PEX14: variants seen among roughly 807,000 people sequenced by gnomAD.
PEX14 encodes peroxisomal membrane protein PEX14.
A neutral mutation model predicts 49.5 loss-of-function variants in PEX14; 15 were observed. The observed-to-expected ratio is 0.30, with a 90% CI of 0.20 to 0.47. The LOEUF is 0.47. Ranked by LOEUF, PEX14 falls within the 20% of genes least tolerant of loss-of-function variation. The probability of loss-of-function intolerance (pLI) is 1.00; values close to 1 mark genes in which losing one functional copy is unlikely to be tolerated. For missense variants in PEX14, 398 were observed against 494.8 expected (o/e 0.80, Z 1.86); for synonymous variants, 210 against 212.7 (o/e 0.99, Z 0.11).
chr1:10,515,259 A>G (rs899723686), intron 2 of PEX14, among the ~76,000 whole-genome samples: 5 of 152,330 alleles, frequency 3.3e-5, no homozygotes, highest in Admixed American at 6.5e-5. Flanking sequence ...TCCAGAATCA[A>G]TAATGAACAG....
chr1:10,611,492 C>T (rs989106273), intron 4 of PEX14, among the ~76,000 whole-genome samples: 2 of 152,184 alleles, frequency 1.3e-5, no homozygotes, highest in African/African-American at 4.8e-5. Flanking sequence ...TGCACTTATA[C>T]TTTCATTTCC....
At chr1:10,534,780 C>G (rs1198737269) in intron 2 of PEX14, among the ~76,000 whole-genome samples, 1 of 152,148 alleles carries the variant, frequency 6.6e-6, no homozygotes, top group Non-Finnish European at 1.5e-5. Context: ...CCTGAAAAGT[C>G]AAGATACTGA....
intron 1 of PEX14, among the ~76,000 whole-genome samples, chr1:10,480,436 C>G (rs931409389): frequency 6.8e-6 from 1 of 146,472 alleles, no homozygotes; most frequent in Non-Finnish European, 1.5e-5. Context: ...CTCTGTCTCC[C>G]GATCTGGAGT....
intron 2 of PEX14, among the ~76,000 whole-genome samples, chr1:10,531,753 G>A (rs1167122954): frequency 6.6e-6 from 1 of 152,132 alleles, no homozygotes; most frequent in Non-Finnish European, 1.5e-5. Flanking sequence ...GCTGGAATTG[G>A]TGGCATTCCA....
chr1:10,526,248 G>A (rs1343361758), intron 2 of PEX14, among the ~76,000 whole-genome samples: 3 of 143,866 alleles, frequency 2.1e-5, no homozygotes. Context: ...TTGAGACAGA[G>A]TCGTGCTCTG....
rs529113385 is a variant in PEX14, at chr1:10,557,751, C to A, written c.169+21454C>A. Among the ~76,000 whole-genome samples, 7 of 152,310 alleles carry A rather than the reference C, an allele frequency of 4.6e-5. No individual in the cohort carries two copies. In the South Asian group the frequency reaches 1.0e-3, roughly 23 times the overall value. ...CCCGAGCACAAGTCTCAAACTTCCA[C>A]ATTGTCAAGTTCACAGTTTCTTCCT... On this transcript the variant is annotated intron_variant, in intron 3 of 8. Transcript: ENST00000356607.
intron 4 of PEX14, among the ~76,000 whole-genome samples, chr1:10,609,683 G>A (rs377598767): frequency 6.6e-6 from 1 of 152,080 alleles, no homozygotes; most frequent in Non-Finnish European, 1.5e-5. Context: ...TCAGGAGTTC[G>A]AGACCAGCCT....
At chr1:10,540,895 C>T (rs762267507) in intron 3 of PEX14, among the ~76,000 whole-genome samples, 3 of 152,080 alleles carry the variant, frequency 2.0e-5, no homozygotes, top group East Asian at 3.9e-4. Flanking sequence ...TTTTTGTTAA[C>T]GAGACATGGA....
chr1:10,553,493 G>A (rs2124514860), intron 3 of PEX14, among the ~76,000 whole-genome samples: 1 of 152,318 alleles, frequency 6.6e-6, no homozygotes, highest in South Asian at 2.1e-4. Context: ...CGTTAAGCTT[G>A]TTCTTTGACA....
At chr1:10,564,821 T>A (rs1178657473) in intron 3 of PEX14, among the ~76,000 whole-genome samples, 1 of 152,040 alleles carries the variant, frequency 6.6e-6, no homozygotes. Context: ...TTTAAAGTCT[T>A]TGATAAATTT....
intron 3 of PEX14, among the ~76,000 whole-genome samples, chr1:10,559,908 G>C (rs6658073): frequency 0.73 from 110,664 of 151,906 alleles, 41,409 homozygotes; most frequent in Non-Finnish European, 0.82. Flanking sequence ...GCCTCCCCTG[G>C]TCCACTCTGC....
intron 1 of PEX14, among the ~76,000 whole-genome samples, chr1:10,489,813 G>A (rs1162556978): frequency 2.0e-5 from 3 of 152,240 alleles, no homozygotes; most frequent in African/African-American, 7.2e-5. Flanking sequence ...GGCCTGAAAT[G>A]TGTCTCCTGG....
At chr1:10,524,827 G>A (rs1005139779) in intron 2 of PEX14, among the ~76,000 whole-genome samples, 1 of 152,118 alleles carries the variant, frequency 6.6e-6, no homozygotes, top group Non-Finnish European at 1.5e-5. Context: ...CAAGTAGCTG[G>A]AGCGCCACTA....
At chr1:10,555,020 C>T (rs916548378) in intron 3 of PEX14, among the ~76,000 whole-genome samples, 4 of 152,108 alleles carry the variant, frequency 2.6e-5, no homozygotes, top group South Asian at 2.1e-4. Context: ...CCAGCCTTCC[C>T]GTGGAAAGCA....
chr1:10,500,945 C>T (rs1641667245), intron 2 of PEX14, among the ~76,000 whole-genome samples: 1 of 152,132 alleles, frequency 6.6e-6, no homozygotes, highest in Non-Finnish European at 1.5e-5. Flanking sequence ...ATGTGTATGA[C>T]AATACATATA....
chr1:10,625,487 C>A (rs1438245289), intron 7 of PEX14, among the ~76,000 whole-genome samples: 1 of 152,254 alleles, frequency 6.6e-6, no homozygotes, highest in Non-Finnish European at 1.5e-5. Flanking sequence ...AAATGACAAT[C>A]TTTCCATGGA....
In PEX14 at chr1:10,529,040, C is replaced by T. The variant is rs1458824926; in HGVS notation, c.85-7173C>T. ...GAAAAGGCAAATGTCATCCTTTTTT[C>T]CTCCCCTCTTTGGGTAACTGCTTTG... is the stretch of plus-strand genomic sequence containing the variant. On this transcript the variant is annotated intron_variant, in intron 2 of 8. Transcript: ENST00000356607. The surrounding 1 kb of genome is among the most constrained non-coding windows in gnomAD (Gnocchi z 4.2). Among the ~76,000 whole-genome samples, 6 of 152,250 alleles carry T rather than the reference C, an allele frequency of 3.9e-5. No homozygotes were observed. The South Asian group carries it at 1.2e-3, about 32-fold the overall frequency.
chr1:10,534,514 A>C (rs1638742266), intron 2 of PEX14, among the ~76,000 whole-genome samples: 2 of 151,694 alleles, frequency 1.3e-5, no homozygotes, highest in Admixed American at 1.3e-4. Flanking sequence ...CTCTTCATTA[A>C]AATGCATCAG....
chr1:10,483,468 C>T (rs1165477115), intron 1 of PEX14, among the ~76,000 whole-genome samples: 1 of 152,094 alleles, frequency 6.6e-6, no homozygotes, highest in East Asian at 1.9e-4. Context: ...AGGTGTGCAC[C>T]ACCATGCCTG....
Sources: gnomAD v4.1 joint callset for allele counts (sites outside exome capture counted in the v4.1 genomes callset) on GRCh38, gnomAD v4.1.1 for gene constraint, Gnocchi (gnomAD v3.1) non-coding constraint, MANE v1.5 for transcripts, NCBI Gene and HGNC (gene_info 2026-07-23, HGNC 2026-07-21) for gene names.